Variants in SPATS2L observed in about 807,000 individuals in gnomAD.
The protein encoded by SPATS2L is SPATS2-like protein.
In SPATS2L, 30 loss-of-function variants were observed where a neutral mutation model predicts 59.6. The observed-to-expected ratio is 0.50, with a 90% CI of 0.38 to 0.68. The LOEUF is 0.68. SPATS2L is among the 30% of genes least tolerant of loss of function. SPATS2L has a pLI of 0.00. For synonymous variants in SPATS2L, 252 were observed against 263.5 expected (o/e 0.96, Z 0.42); for missense variants, 615 against 700.0 (o/e 0.88, Z 1.37).
intron 1 of SPATS2L, among the ~76,000 whole-genome samples, chr2:200,310,770 C>T (rs1422495404): frequency 6.6e-6 from 1 of 152,172 alleles, no homozygotes; most frequent in Admixed American, 6.5e-5. Flanking sequence ...ATCTCACTGC[C>T]CTTCTAAGAT....
At chr2:200,435,120 G>T (rs538561009) in intron 6 of SPATS2L, among the ~76,000 whole-genome samples, 1 of 152,200 alleles carries the variant, frequency 6.6e-6, no homozygotes, top group South Asian at 2.1e-4. Flanking sequence ...TAGTTATTAA[G>T]GTCAGTCTAT....
At chr2:200,440,477 A>C (rs2084621975) in intron 7 of SPATS2L, among the ~76,000 whole-genome samples, 172 bp from the exon 8 acceptor site, 1 of 152,210 alleles carries the variant, frequency 6.6e-6, no homozygotes, top group East Asian at 1.9e-4. Flanking sequence ...TAACAGCCTC[A>C]GGTGCCACAC....
At chr2:200,431,551 A>T (rs896541963) in intron 6 of SPATS2L, among the ~76,000 whole-genome samples, 1 of 152,242 alleles carries the variant, frequency 6.6e-6, no homozygotes, top group Admixed American at 6.5e-5. Context: ...TGTATAGAAG[A>T]CAATGAAACC....
chr2:200,316,009 T>G, intron 1 of SPATS2L, among the ~76,000 whole-genome samples: 1 of 130,556 alleles, frequency 7.7e-6, no homozygotes, highest in African/African-American at 2.9e-5. Flanking sequence ...TGGGAGACAG[T>G]GTGAGACTCC....
At position 200,470,026 on chromosome 2, in the gene SPATS2L, G is replaced by A. The variant is rs376387910; in HGVS notation, c.1060+10G>A. On this transcript the variant is annotated intron_variant, in intron 11 of 12. Transcript: ENST00000409140. ...ATGCTCTGCGGAGAAAGTGAGTTTT[G>A]CATATTTGCTGAATAATTCTGTGTG... is the stretch of plus-strand genomic sequence containing the variant. The A allele has an allele frequency of 1.3e-6, 2 of 1,592,734 alleles. No individual in the cohort carries two copies. The highest frequency in any genetic ancestry group is 1.7e-6 in the Non-Finnish European group (2 of 1,168,332).
chr2:200,472,380 C>T (rs1383688904), intron 11 of SPATS2L, among the ~76,000 whole-genome samples: 2 of 152,220 alleles, frequency 1.3e-5, no homozygotes, highest in African/African-American at 4.8e-5. Flanking sequence ...GTCCGCATAG[C>T]TCCCAATCTT....
intron 3 of SPATS2L, among the ~76,000 whole-genome samples, chr2:200,396,698 A>G (rs890108562): frequency 6.6e-6 from 1 of 152,180 alleles, no homozygotes; most frequent in Non-Finnish European, 1.5e-5. Context: ...GCTTCATGGG[A>G]TTTGACACAA....
intron 2 of SPATS2L, among the ~76,000 whole-genome samples, chr2:200,368,979 C>G (rs2081342746): frequency 6.7e-6 from 1 of 150,342 alleles, no homozygotes; most frequent in Admixed American, 6.6e-5. Flanking sequence ...TCCAAATTAC[C>G]AAAGATAATG....
At chr2:200,312,557 C>A (rs1347089769) in intron 1 of SPATS2L, among the ~76,000 whole-genome samples, 1 of 152,174 alleles carries the variant, frequency 6.6e-6, no homozygotes, top group Non-Finnish European at 1.5e-5. Context: ...TCGCCTATAC[C>A]AGGCAATATC....
chr2:200,418,488 C>T (rs1411478205), intron 5 of SPATS2L, among the ~76,000 whole-genome samples: 4 of 151,990 alleles, frequency 2.6e-5, no homozygotes, highest in East Asian at 1.9e-4. Context: ...GTGGGAGGAT[C>T]GCTTATGCCC....
At position 200,314,288 on chromosome 2, in the gene SPATS2L, A is replaced by G. The variant is rs114493868; in HGVS notation, c.-73+7366A>G. ...AACTTCTTTGCCTTCTTCAACCTCT[A>G]CATTTTATATAGAGACTGTCTTTTC... On this transcript the variant is annotated intron_variant, in intron 1 of 12. Coordinates refer to ENST00000409140, the MANE Select transcript of SPATS2L (RefSeq NM_001100423.2). Among the ~76,000 whole-genome samples the G allele has an allele frequency of 3.6e-3, 547 of 152,266 alleles. 5 individuals are homozygous for G. Among genetic ancestry groups the G allele is most frequent in the African/African-American group, 0.013 (527 of 41,562 alleles).
At position 200,419,509 on chromosome 2, in the gene SPATS2L, T is replaced by C. The variant is rs376567669; in HGVS notation, c.445+13T>C. On this transcript the variant is annotated intron_variant, in intron 6 of 12. Transcript: ENST00000409140. ...CGTGGGGTCACAGGTCAGTAATGCT[T>C]AAGTAAAATTGCTTAGGAAGGCATA... 9.3e-6 allele frequency: 15 copies of C among 1,612,294 alleles called. No individual in the cohort carries two copies. Among genetic ancestry groups the C allele is most frequent in the Non-Finnish European group, 1.3e-5 (15 of 1,178,924 alleles).
At chr2:200,396,128 A>G (rs188967385) in intron 3 of SPATS2L, among the ~76,000 whole-genome samples, 339 of 147,110 alleles carry the variant, frequency 2.3e-3, no homozygotes, top group Non-Finnish European at 4.0e-3. Flanking sequence ...AAAAGAACAT[A>G]AAAGCGAACT....
At chr2:200,361,838 A>G (rs569216030) in intron 2 of SPATS2L, among the ~76,000 whole-genome samples, 19 of 152,342 alleles carry the variant, frequency 1.2e-4, no homozygotes, top group Admixed American at 3.3e-4. Context: ...AAGAAAAACT[A>G]TAATGTTAAT....
At chr2:200,391,245 A>G (rs369594728) in intron 3 of SPATS2L, among the ~76,000 whole-genome samples, 1 of 152,226 alleles carries the variant, frequency 6.6e-6, no homozygotes, top group Admixed American at 6.5e-5. Context: ...TTCATATCCA[A>G]TTACATTTGT....
intron 8 of SPATS2L, among the ~76,000 whole-genome samples, chr2:200,447,193 G>A (rs2085106016): frequency 6.6e-6 from 1 of 152,194 alleles, no homozygotes; most frequent in Non-Finnish European, 1.5e-5. Flanking sequence ...AATACAGTAA[G>A]GACTTGTTCC....
At chr2:200,438,812 A>G (rs769708649) in intron 6 of SPATS2L, among the ~76,000 whole-genome samples, 1 of 152,166 alleles carries the variant, frequency 6.6e-6, no homozygotes, top group Non-Finnish European at 1.5e-5. Flanking sequence ...CTCATCTTCT[A>G]TAAGCCTCTT....
At chr2:200,350,401 C>G (rs2080679939) in intron 2 of SPATS2L, among the ~76,000 whole-genome samples, 1 of 152,170 alleles carries the variant, frequency 6.6e-6, no homozygotes, top group South Asian at 2.1e-4. Flanking sequence ...ACCATCCAAG[C>G]AGGTTTTGGA....
rs151244807 is a variant in SPATS2L at position 200,392,956 on chromosome 2, AG to A, written c.39+3674del. 8.7e-3 allele frequency: 2,821 copies of A among 324,062 alleles called. 81 individuals are homozygous for A. Among genetic ancestry groups the A allele is most frequent in the African/African-American group, 0.057 (2,620 of 46,320 alleles). The allele number at this position is 324,062 out of a possible 1,614,324, so 20.1% of individuals were successfully genotyped here. On this transcript the variant is annotated intron_variant, in intron 3 of 12. Transcript: ENST00000409140. ...TGTGAGAGCATAGTAGGAGAAGCGG[AG>A]TTTGTTTTTTCCTATATCTTTACAA...
Sources: gnomAD v4.1 joint callset for allele counts (sites outside exome capture counted in the v4.1 genomes callset) on GRCh38, gnomAD v4.1.1 for gene constraint, MANE v1.5 for transcripts, NCBI Gene and HGNC (gene_info 2026-07-23, HGNC 2026-07-21) for gene names.